The following ANK2 variants were observed in gnomAD, a reference collection of about 807,000 sequenced individuals.
ANK2 encodes the protein ankyrin 2, also known as ankyrin-2.
ANK2 carries 83 observed loss-of-function variants against 360.5 expected under a neutral mutation model. That is an observed-to-expected ratio of 0.23 (90% CI 0.19 to 0.28). The LOEUF is 0.28. ANK2 is among the 10% of genes least tolerant of loss of function. The pLI is 1.00. For missense variants in ANK2, 4,201 were observed against 4,795.7 expected, an observed-to-expected ratio of 0.88 and a Z score of 3.66; for synonymous variants, 1,740 against 1,759.5, an observed-to-expected ratio of 0.99 and a Z score of 0.28.
intron 2 of ANK2, among the ~76,000 whole-genome samples, chr4:113,004,572 T>G (rs2154288777): frequency 6.6e-6 from 1 of 152,262 alleles, no homozygotes; most frequent in South Asian, 2.1e-4. Flanking sequence ...CTAGAATAAC[T>G]CCTGACAGAC....
intron 1 of ANK2, among the ~76,000 whole-genome samples, chr4:113,138,293 A>G (rs1001637033): frequency 2.6e-5 from 4 of 152,156 alleles, no homozygotes; most frequent in Non-Finnish European, 5.9e-5. Context: ...TTGTAGTGCA[A>G]CTGTTCTTGA....
At position 112,891,027 on chromosome 4, in the gene ANK2, G is replaced by GT. The variant is rs542386208; in HGVS notation, c.-39-13422dup. 1.7e-4 allele frequency among the ~76,000 whole-genome samples: 26 copies of GT among 152,240 alleles called. No homozygotes were observed. In the East Asian group the frequency reaches 4.4e-3, roughly 26 times the overall value. On this transcript the variant is annotated intron_variant, in intron 1 of 30. Transcript: ENST00000503271. ...TAACTAATCATCTATCTTTTTGACA[G>GT]TTTTTTATGTTCCAGGTGTAAAGTT...
At chr4:113,341,944 T>C in intron 33 of ANK2, 28 bp downstream of exon 33, 1 of 1,509,332 alleles carries the variant, frequency 6.6e-7, no homozygotes, top group Non-Finnish European at 9.2e-7. Flanking sequence ...ATAATAATAA[T>C]TTATGCCATG....
chr4:113,323,919 A>G lies in ANK2; in HGVS notation c.2900+5299A>G. On this transcript the variant is annotated intron_variant, in intron 26 of 45. Transcript: ENST00000357077. ...TGAAGATACCTAGCCAAAGAGATAG[A>G]AAGATTGATGTTCTCCAAATTGTGG... 3 of 773,168 alleles carry G rather than the reference A, an allele frequency of 3.9e-6. No homozygotes were observed. In the South Asian group the frequency reaches 9.2e-5, roughly 24 times the overall value. 47.9% of individuals were successfully genotyped at this position (773,168 alleles called of 1,614,324 possible).
At chr4:112,790,178 G>A in the ANK2 span, among the ~76,000 whole-genome samples, 1 of 152,274 alleles carries the variant, frequency 6.6e-6, no homozygotes, top group South Asian at 2.1e-4. Flanking sequence ...GGAAAAAAGA[G>A]AATAAATAAG....
intron 1 of ANK2, among the ~76,000 whole-genome samples, chr4:113,115,464 T>C (rs2094670453): frequency 6.6e-6 from 1 of 152,314 alleles, no homozygotes; most frequent in East Asian, 1.9e-4. Context: ...ATATCAACAA[T>C]ACAACACTGA....
intron 2 of ANK2, among the ~76,000 whole-genome samples, chr4:112,946,946 C>G (rs1167499104): frequency 6.6e-6 from 1 of 152,194 alleles, no homozygotes; most frequent in Admixed American, 6.5e-5. Context: ...AGAATAACAG[C>G]TTTTCTTAAG....
intron 43 of ANK2, among the ~76,000 whole-genome samples, chr4:113,370,945 A>T (rs867357507): frequency 6.6e-6 from 1 of 152,148 alleles, no homozygotes; most frequent in Non-Finnish European, 1.5e-5. Flanking sequence ...TCTCAGCCAC[A>T]AAAAAAGTAT....
At chr4:113,286,926 C>T (rs906680756) in intron 18 of ANK2, among the ~76,000 whole-genome samples, 2 of 152,106 alleles carry the variant, frequency 1.3e-5, no homozygotes, top group Non-Finnish European at 2.9e-5. Flanking sequence ...AGCCACTTTC[C>T]CCCATCTTTT....
chr4:113,261,666 A>C (rs971066985), intron 13 of ANK2, among the ~76,000 whole-genome samples: 2 of 152,210 alleles, frequency 1.3e-5, no homozygotes, highest in Non-Finnish European at 2.9e-5. Context: ...ATAATTAAAC[A>C]AGACCATTAT....
chr4:112,887,221 T>C (rs980849151), intron 1 of ANK2, among the ~76,000 whole-genome samples: 4 of 152,272 alleles, frequency 2.6e-5, no homozygotes, highest in Non-Finnish European at 5.9e-5. Flanking sequence ...ACCAAAGTCA[T>C]GTACAGATGG....
chr4:112,755,948 C>T, the ANK2 span: 1 of 151,052 alleles, frequency 6.6e-6, no homozygotes, highest in African/African-American at 2.5e-5. Context: ...ATTATTAAGA[C>T]ACAGTCATTG....
At chr4:113,294,673 C>A (rs1234962070) in intron 22 of ANK2, among the ~76,000 whole-genome samples, 1 of 152,126 alleles carries the variant, frequency 6.6e-6, no homozygotes, top group Non-Finnish European at 1.5e-5. Context: ...CTGCAAGACA[C>A]AAACTGAATT....
intron 2 of ANK2, among the ~76,000 whole-genome samples, chr4:112,943,671 A>T (rs2094381228): frequency 6.6e-6 from 1 of 151,922 alleles, no homozygotes; most frequent in South Asian, 2.1e-4. Context: ...TTTACTACAG[A>T]TGTGTGTGTG....
At chr4:113,315,896 CAAAAAAAAAAAAAAA>C (rs70961811) in intron 24 of ANK2, among the ~76,000 whole-genome samples, 1 of 49,316 alleles carries the variant, frequency 2.0e-5, no homozygotes, top group Admixed American at 2.4e-4. Context: ...GACTCCGTCT[CAAAAAAAAAAAAAAA>C]AAAAAAAAAA....
intron 2 of ANK2, among the ~76,000 whole-genome samples, chr4:112,989,260 A>C (rs928273018): frequency 6.6e-6 from 1 of 152,208 alleles, no homozygotes; most frequent in Non-Finnish European, 1.5e-5. Context: ...AAACTCATAT[A>C]ATTACTTCAA....
At chr4:112,795,756 C>T in the ANK2 span, among the ~76,000 whole-genome samples, 1 of 151,200 alleles carries the variant, frequency 6.6e-6, no homozygotes, top group Non-Finnish European at 1.5e-5. Flanking sequence ...CCTGCCTCAG[C>T]CTCCCAAAGT....
At chr4:112,898,724 G>C (rs1323331608) in intron 1 of ANK2, among the ~76,000 whole-genome samples, 1 of 152,120 alleles carries the variant, frequency 6.6e-6, no homozygotes, top group Non-Finnish European at 1.5e-5. Context: ...AAATGAAAGA[G>C]TTCATTTTCT....
chr4:112,921,233 C>T (rs1164240989), intron 2 of ANK2, among the ~76,000 whole-genome samples: 1 of 151,830 alleles, frequency 6.6e-6, no homozygotes, highest in Admixed American at 6.6e-5. Flanking sequence ...CCATGTTACC[C>T]AGGCTGGTCT....
Sources: allele counts gnomAD v4.1 joint callset (sites outside exome capture counted in the v4.1 genomes callset), GRCh38; gene constraint gnomAD v4.1.1; transcripts MANE v1.5; gene names NCBI Gene and HGNC (gene_info 2026-07-23, HGNC 2026-07-21).